Variants in FAM135A observed in about 807,000 individuals in gnomAD.
FAM135A encodes the protein protein FAM135A.
A neutral mutation model predicts 146.8 loss-of-function variants in FAM135A; 79 were observed. The ratio of observed to expected loss-of-function variants is 0.54; its 90% CI spans 0.45 to 0.65. FAM135A has a LOEUF of 0.65. Ranked by LOEUF, FAM135A falls within the 30% of genes least tolerant of loss-of-function variation. The pLI is 0.00. For synonymous variants in FAM135A, 562 were observed against 603.6 expected (o/e 0.93, Z 1.01); for missense variants, 1,623 against 1,758.2 (o/e 0.92, Z 1.38).
At chr6:70,467,327 T>C (rs944509181) in intron 5 of FAM135A, among the ~76,000 whole-genome samples, 2 of 151,728 alleles carry the variant, frequency 1.3e-5, no homozygotes, top group Non-Finnish European at 2.9e-5. Context: ...AAAAAAAAAA[T>C]GACTGATTTT....
chr6:70,434,766 T>A (rs1772561564), intron 4 of FAM135A, among the ~76,000 whole-genome samples: 2 of 152,178 alleles, frequency 1.3e-5, no homozygotes, highest in African/African-American at 2.4e-5. Flanking sequence ...AAGTGAAATG[T>A]TATCAGTTTG....
intron 2 of FAM135A, among the ~76,000 whole-genome samples, chr6:70,416,540 A>G (rs1159330242): frequency 1.3e-5 from 2 of 152,160 alleles, no homozygotes; most frequent in Non-Finnish European, 2.9e-5. Context: ...TTATATGTAC[A>G]TGTGTGCATT....
chr6:70,516,530 C>CTTT (rs1174927909), intron 12 of FAM135A, among the ~76,000 whole-genome samples: 109 of 84,928 alleles, frequency 1.3e-3, no homozygotes, highest in East Asian at 1.9e-3. Context: ...ATTTTCTTTT[C>CTTT]TTTTTTTTTT....
intron 10 of FAM135A, among the ~76,000 whole-genome samples, chr6:70,489,580 G>A (rs995139708): frequency 1.3e-5 from 2 of 152,134 alleles, no homozygotes; most frequent in African/African-American, 4.8e-5. Flanking sequence ...AGAGACAGTA[G>A]TATACTCTGA....
chr6:70,525,588 C>T lies in FAM135A; in HGVS notation c.2504C>T (p.Ser835Leu). The change falls in exon 15 of 22, where the codon TCA becomes TTA. Residue 835 changes from serine (S) to leucine (L), a missense_variant. Ser to Leu is a moderately radical substitution (Grantham distance 145). Coordinates refer to ENST00000418814, the MANE Select transcript of FAM135A (RefSeq NM_001162529.3). ...ACAAGTGCTATAAGTGAAATACAGT[C>T]ATCTTTGACATCCATAAACTCTCTA... ...ESTSAISEIQ[S>L]SLTSINSLPS... The T allele has an allele frequency of 1.2e-6, 2 of 1,613,498 alleles. No individual in the cohort carries two copies. The highest frequency in any genetic ancestry group is 1.7e-6 in the Non-Finnish European group (2 of 1,179,668).
intron 4 of FAM135A, among the ~76,000 whole-genome samples, chr6:70,434,507 A>ACC (rs146285984): frequency 0.025 from 3,834 of 152,314 alleles, 165 homozygotes; most frequent in African/African-American, 0.088. Flanking sequence ...CTACCAAAAA[A>ACC]AAGTTAGTTA....
rs2128349413 is a variant in FAM135A at position 70,524,679 on chromosome 6, A to G, written c.1595A>G (p.Asn532Ser). 1 of 1,551,060 alleles carries G rather than the reference A, an allele frequency of 6.4e-7. No individual in the cohort carries two copies. Among genetic ancestry groups the G allele is most frequent in the Non-Finnish European group, 8.7e-7 (1 of 1,146,732 alleles). ...AAATGTTTGAAAAGTACAGCATCAA[A>G]TGATCTCATTAAATGCTTTGAAGGC... ...GYKCLKSTAS[N>S]DLIKCFEGNP... Residue 532 changes from asparagine to serine, a missense_variant, in exon 15 of 22, where the codon AAT becomes AGT. By Grantham distance (46) the Asn-to-Ser change is conservative. Around this residue, in one of 7 missense-constraint regions of FAM135A, gnomAD observed 1,061 missense variants for 1,113.8 expected, o/e 0.95. Transcript: ENST00000418814.
chr6:70,530,629 T>G (rs1795622931), intron 16 of FAM135A, among the ~76,000 whole-genome samples: 1 of 152,130 alleles, frequency 6.6e-6, no homozygotes, highest in Admixed American at 6.5e-5. Context: ...CTGGCCAGCC[T>G]ATAATCCCAG....
chr6:70,498,653 C>T (rs1464411301), intron 11 of FAM135A, among the ~76,000 whole-genome samples: 1 of 152,174 alleles, frequency 6.6e-6, no homozygotes, highest in Non-Finnish European at 1.5e-5. Context: ...TTAGCTGTGT[C>T]CCAGAGATTC....
At chr6:70,477,111 C>T (rs750509417) in intron 7 of FAM135A, 48 bp from the exon 8 acceptor site, 12 of 1,533,454 alleles carry the variant, frequency 7.8e-6, no homozygotes, top group Admixed American at 3.9e-5. Flanking sequence ...AATATATTGG[C>T]GTTTACTAAA....
At chr6:70,522,650 G>A (rs371416136) in intron 13 of FAM135A, 64 bp downstream of exon 13, 41 of 1,282,038 alleles carry the variant, frequency 3.2e-5, no homozygotes, top group East Asian at 2.3e-4. Context: ...ACCTGTCTCA[G>A]AATTTATCAG....
At chr6:70,528,547 A>T in intron 16 of FAM135A, 95 bp downstream of exon 16, 1 of 1,140,168 alleles carries the variant, frequency 8.8e-7, no homozygotes, top group Non-Finnish European at 1.2e-6. Flanking sequence ...AACTAAAAAA[A>T]GATTTTTTAA....
intron 5 of FAM135A, among the ~76,000 whole-genome samples, chr6:70,455,897 G>C (rs1168331004): frequency 1.3e-5 from 2 of 152,120 alleles, no homozygotes; most frequent in African/African-American, 4.8e-5. Flanking sequence ...CTATCGCCAG[G>C]CTGGAGTGCA....
chr6:70,436,474 C>T (rs549690855), intron 4 of FAM135A, among the ~76,000 whole-genome samples: 1 of 152,148 alleles, frequency 6.6e-6, no homozygotes, highest in South Asian at 2.1e-4. Flanking sequence ...GTGACCTTTA[C>T]TCATTTTTTA....
At chr6:70,536,684 A>C (rs1796847825) in intron 19 of FAM135A, among the ~76,000 whole-genome samples, 1 of 152,054 alleles carries the variant, frequency 6.6e-6, no homozygotes, top group African/African-American at 2.4e-5. Context: ...ATTTTTAGTA[A>C]AGTTTTATCT....
intron 18 of FAM135A, 70 bp from the exon 19 acceptor site, chr6:70,536,190 G>A: frequency 1.4e-6 from 2 of 1,414,550 alleles, no homozygotes; most frequent in South Asian, 3.0e-5. Context: ...CCATTTTATA[G>A]TGGATCAGCT....
intron 2 of FAM135A, among the ~76,000 whole-genome samples, chr6:70,419,265 A>G (rs1768229093): frequency 6.6e-6 from 1 of 152,076 alleles, no homozygotes; most frequent in Non-Finnish European, 1.5e-5. Context: ...CTAAAAATAC[A>G]AAAATTAGCT....
At chr6:70,508,445 G>A (rs1790281244) in intron 12 of FAM135A, among the ~76,000 whole-genome samples, 1 of 152,086 alleles carries the variant, frequency 6.6e-6, no homozygotes. Flanking sequence ...CTCTTGTTGT[G>A]TTATAATGCT....
At chr6:70,517,820 T>C (rs1228721697) in intron 12 of FAM135A, among the ~76,000 whole-genome samples, 2 of 152,228 alleles carry the variant, frequency 1.3e-5, no homozygotes, top group African/African-American at 4.8e-5. Flanking sequence ...GTTGTGCCCA[T>C]ATATGACAGT....
Sources: gnomAD v4.1 joint callset for allele counts (sites outside exome capture counted in the v4.1 genomes callset) on GRCh38, gnomAD v4.1.1 for gene constraint, gnomAD v4.1.1 regional missense constraint, MANE v1.5 for transcripts, NCBI Gene and HGNC (gene_info 2026-07-23, HGNC 2026-07-21) for gene names.